ENPP6: variants seen among roughly 807,000 people sequenced by gnomAD.
ENPP6 encodes the protein ectonucleotide pyrophosphatase/phosphodiesterase 6.
Under a neutral mutation model 42.0 loss-of-function variants are expected in ENPP6, and 32 were observed. That is an observed-to-expected ratio of 0.76 (90% confidence interval 0.58 to 1.02). ENPP6 has a LOEUF of 1.02. Ranked by LOEUF, ENPP6 falls within the 50% of genes least tolerant of loss-of-function variation. The pLI is 0.00. For missense variants in ENPP6, 552 were observed against 566.8 expected (o/e 0.97, Z 0.27); for synonymous variants, 213 against 216.0 (o/e 0.99, Z 0.12).
intron 2 of ENPP6, among the ~76,000 whole-genome samples, chr4:184,142,533 C>T (rs1443557474): frequency 6.6e-6 from 1 of 152,162 alleles, no homozygotes; most frequent in African/African-American, 2.4e-5. Flanking sequence ...TGGCTCCCTT[C>T]TGATGCAGGG....
chr4:184,130,565 ACAAAAC>A (rs762893495), intron 2 of ENPP6, among the ~76,000 whole-genome samples: 2 of 127,276 alleles, frequency 1.6e-5, no homozygotes, highest in East Asian at 2.1e-4. Flanking sequence ...ATCAAACAAA[ACAAAAC>A]AAAAAAAAAA....
At chr4:184,113,955 CTT>C (rs1165316325) in intron 5 of ENPP6, among the ~76,000 whole-genome samples, 9 of 129,290 alleles carry the variant, frequency 7.0e-5, no homozygotes, top group Admixed American at 7.9e-5. Flanking sequence ...TTCTTTCTTT[CTT>C]TCTTTCTCTC....
At chr4:184,120,692 TGTGTGGG>T in intron 3 of ENPP6, among the ~76,000 whole-genome samples, 1 of 152,104 alleles carries the variant, frequency 6.6e-6, no homozygotes, top group East Asian at 1.9e-4. Flanking sequence ...AAAAGGGCCG[TGTGTGGG>T]GGGCACTGCC....
intron 1 of ENPP6, among the ~76,000 whole-genome samples, chr4:184,204,625 C>T (rs1362761229): frequency 6.6e-6 from 1 of 152,184 alleles, no homozygotes. Context: ...TCCCACCATC[C>T]CCAGTCTCTT....
In ENPP6 at chr4:184,153,706, A is replaced by G. The variant is rs762035168; in HGVS notation, c.269T>C (p.Ile90Thr). Reference protein sequence around the residue: ...TGRHCEVHQMIGNYMWDPTTN... With the variant: ...TGRHCEVHQMTGNYMWDPTTN... ...GGTGGGGTCCCACATGTAGTTCCCG[A>G]TCATCTGATGGACTTCACAATGGCG... is the stretch of plus-strand genomic sequence containing the variant. The change falls in exon 2 of 8, where the codon ATC becomes ACC. Residue 90 changes from isoleucine (I) to threonine (T), a missense_variant. By Grantham distance (89) the Ile-to-Thr change is moderately conservative. Transcript: ENST00000296741. 3 of 1,614,114 alleles carry G rather than the reference A, an allele frequency of 1.9e-6. No individual in the cohort carries two copies. Among genetic ancestry groups the G allele is most frequent in the African/African-American group, 1.3e-5 (1 of 75,014 alleles).
At chr4:184,196,611 G>A (rs539757927) in intron 1 of ENPP6, among the ~76,000 whole-genome samples, 1 of 152,226 alleles carries the variant, frequency 6.6e-6, no homozygotes, top group Non-Finnish European at 1.5e-5. Context: ...CTTTTGGAAG[G>A]AGGGCATCTT....
chr4:184,214,593 A>T (rs1032565958), intron 1 of ENPP6, among the ~76,000 whole-genome samples: 38 of 152,244 alleles, frequency 2.5e-4, no homozygotes, highest in Non-Finnish European at 8.8e-5. Flanking sequence ...AATGCCCATC[A>T]ATGATAGACT....
intron 2 of ENPP6, among the ~76,000 whole-genome samples, chr4:184,151,999 T>C (rs1271272497): frequency 6.6e-6 from 1 of 152,200 alleles, no homozygotes; most frequent in East Asian, 1.9e-4. Context: ...ATGGAAGGAA[T>C]CTTAGGTGTC....
intron 1 of ENPP6, among the ~76,000 whole-genome samples, chr4:184,199,673 C>T (rs1037286212): frequency 6.6e-6 from 1 of 152,174 alleles, no homozygotes; most frequent in Non-Finnish European, 1.5e-5. Context: ...TGTCTGCTGC[C>T]GTCCACCCTT....
intron 6 of ENPP6, among the ~76,000 whole-genome samples, chr4:184,107,453 G>A (rs1736116115): frequency 6.6e-6 from 1 of 152,224 alleles, no homozygotes; most frequent in Non-Finnish European, 1.5e-5. Context: ...GAGTGCAGGG[G>A]CAGAGGCAAA....
At chr4:184,092,956 C>T (rs574633093) in intron 7 of ENPP6, among the ~76,000 whole-genome samples, 1 of 152,302 alleles carries the variant, frequency 6.6e-6, no homozygotes, top group Admixed American at 6.5e-5. Context: ...TCTATTTATC[C>T]TGGAATTATA....
chr4:184,094,270 A>G (rs1013766009), intron 7 of ENPP6, among the ~76,000 whole-genome samples: 1 of 152,234 alleles, frequency 6.6e-6, no homozygotes, highest in African/African-American at 2.4e-5. Flanking sequence ...GAGAAAGACC[A>G]TCTCTAAAAA....
chr4:184,193,804 G>A (rs1433402789), intron 1 of ENPP6, among the ~76,000 whole-genome samples: 1 of 152,110 alleles, frequency 6.6e-6, no homozygotes, highest in Non-Finnish European at 1.5e-5. Context: ...TACCTACAAA[G>A]CATTTTTCCT....
chr4:184,114,601 T>C (rs1736283404), intron 5 of ENPP6, among the ~76,000 whole-genome samples: 1 of 152,152 alleles, frequency 6.6e-6, no homozygotes, highest in African/African-American at 2.4e-5. Flanking sequence ...CGCCCAAACA[T>C]GGCCCCCGCT....
intron 1 of ENPP6, among the ~76,000 whole-genome samples, chr4:184,159,318 C>T (rs960822746): frequency 4.6e-4 from 70 of 152,288 alleles, no homozygotes; most frequent in African/African-American, 1.6e-3. Flanking sequence ...AATAGTAATG[C>T]ATTAGAAGTT....
intron 1 of ENPP6, among the ~76,000 whole-genome samples, chr4:184,182,221 A>G (rs1004479810): frequency 6.6e-6 from 1 of 152,210 alleles, no homozygotes; most frequent in African/African-American, 2.4e-5. Context: ...GACACTTCTC[A>G]AAAGAATACA....
chr4:184,193,398 G>A (rs115556302), intron 1 of ENPP6, among the ~76,000 whole-genome samples: 3,618 of 152,336 alleles, frequency 0.024, 141 homozygotes, highest in African/African-American at 0.083. Flanking sequence ...CATATTGTAT[G>A]ATTCCATGTG....
chr4:184,208,497 G>A (rs183575513), intron 1 of ENPP6, among the ~76,000 whole-genome samples: 3 of 152,138 alleles, frequency 2.0e-5, no homozygotes, highest in Admixed American at 2.0e-4. Flanking sequence ...CTGGAAAATC[G>A]GGTCACTCCC....
chr4:184,092,084 T>A (rs1210749037), intron 7 of ENPP6, among the ~76,000 whole-genome samples: 1 of 152,170 alleles, frequency 6.6e-6, no homozygotes, highest in African/African-American at 2.4e-5. Flanking sequence ...TTAAATGCTA[T>A]GTCATTTTTC....
Sources: gnomAD v4.1 joint callset for allele counts (sites outside exome capture counted in the v4.1 genomes callset) on GRCh38, gnomAD v4.1.1 for gene constraint, MANE v1.5 for transcripts, NCBI Gene and HGNC (gene_info 2026-07-23, HGNC 2026-07-21) for gene names.